Variants in AXIN1 observed in about 807,000 individuals in gnomAD.
AXIN1 encodes the protein axin-1.
A neutral mutation model predicts 76.4 loss-of-function variants in AXIN1; 30 were observed. That is an observed-to-expected ratio of 0.39 (90% CI 0.29 to 0.53). AXIN1 has a LOEUF of 0.53. Ranked by LOEUF, AXIN1 falls within the 20% of genes least tolerant of loss-of-function variation. The probability of loss-of-function intolerance (pLI) is 0.66; values close to 1 mark genes in which losing one functional copy is unlikely to be tolerated. For synonymous variants in AXIN1, 545 were observed against 501.4 expected, an observed-to-expected ratio of 1.09 and a Z score of -1.16; for missense variants, 1,140 against 1,198.8, an observed-to-expected ratio of 0.95 and a Z score of 0.72.
At chr16:344,515 T>C (rs1160019096) in intron 2 of AXIN1, among the ~76,000 whole-genome samples, 3 of 151,626 alleles carry the variant, frequency 2.0e-5, no homozygotes, top group Non-Finnish European at 4.4e-5. Flanking sequence ...AGTTTCACTC[T>C]TGTCCTCTTG....
intron 5 of AXIN1, among the ~76,000 whole-genome samples, chr16:303,129 T>C (rs770347864): frequency 8.1e-4 from 124 of 152,170 alleles, no homozygotes; most frequent in Middle Eastern, 3.4e-3. Flanking sequence ...CCCATAGTGT[T>C]GGGGTCACAG....
In AXIN1 at chr16:293,652, C is replaced by A. The variant is rs2141486680; in HGVS notation, c.2022G>T (p.Trp674Cys). The stretch of plus-strand genomic sequence containing the variant: ...CGGAGGTCCGGAGCTGAGGGCCGGC[C>A]CAGGGGTGCTCAAGGGACAAGGGTC... ...NSRPLSLEHP[W>C]AGPQLRTSVQ... The change falls in exon 8 of 11, where the codon TGG becomes TGT. Residue 674 changes from tryptophan to cysteine, a missense_variant. Trp to Cys is a radical substitution (Grantham distance 215). Transcript: ENST00000262320. This position sits in a 1 kb window ranked among gnomAD's most constrained non-coding sequence, Gnocchi z 4.6. 6.2e-7 allele frequency: 1 copy of A among 1,613,610 alleles called. No homozygotes were observed. The highest frequency in any genetic ancestry group is 8.5e-7 in the Non-Finnish European group (1 of 1,180,006).
intron 1 of AXIN1, among the ~76,000 whole-genome samples, chr16:349,829 C>G (rs114957976): frequency 6.6e-6 from 1 of 152,162 alleles, no homozygotes; most frequent in Non-Finnish European, 1.5e-5. Flanking sequence ...GACAGGGTCT[C>G]GCTCTGTCGC....
At chr16:289,102 G>A (rs2052477468) in intron 10 of AXIN1, among the ~76,000 whole-genome samples, 1 of 151,628 alleles carries the variant, frequency 6.6e-6, no homozygotes, top group African/African-American at 2.4e-5. Flanking sequence ...TTTTGGGCGG[G>A]GGTAGAGACA....
At chr16:321,523 C>T (rs543221732) in intron 2 of AXIN1, among the ~76,000 whole-genome samples, 33 of 152,382 alleles carry the variant, frequency 2.2e-4, no homozygotes, top group African/African-American at 6.3e-4. Flanking sequence ...AACCACAGAG[C>T]TCCTCAACTC....
intron 1 of AXIN1, among the ~76,000 whole-genome samples, chr16:351,246 T>A (rs1182043252): frequency 6.6e-6 from 1 of 152,062 alleles, no homozygotes; most frequent in Non-Finnish European, 1.5e-5. Context: ...AGATTCTTCC[T>A]GAAGAAGCAG....
intron 2 of AXIN1, among the ~76,000 whole-genome samples, chr16:320,743 A>ATATATATTTTT (rs397722732): frequency 5.2e-4 from 56 of 107,620 alleles, no homozygotes; most frequent in East Asian, 2.5e-3. Context: ...ATATATATAT[A>ATATATATTTTT]TTTTTTTTTT....
rs200917362 is a variant in AXIN1, at chr16:322,436, CTG to C, written c.879-7755_879-7754del. Among the ~76,000 whole-genome samples the C allele has an allele frequency of 9.8e-4, 150 of 152,338 alleles. 2 individuals are homozygous for C. In the East Asian group the frequency reaches 0.028, roughly 28 times the overall value. ...TATGGGGACAGATGTGCTCCTACGG[CTG>C]TGTTTCCTCTGCACAGGTGTGGGAG... On this transcript the variant is annotated intron_variant, in intron 2 of 10. Transcript: ENST00000262320.
intron 2 of AXIN1, among the ~76,000 whole-genome samples, chr16:338,184 A>C (rs1413483028): frequency 6.6e-6 from 1 of 152,210 alleles, no homozygotes; most frequent in African/African-American, 2.4e-5. Flanking sequence ...TTTGACAAGG[A>C]TGAGCAGAAC....
In AXIN1 at chr16:339,456, AG is replaced by A. The variant is rs1451915116; in HGVS notation, c.878+6691del. Among the ~76,000 whole-genome samples the A allele has an allele frequency of 2.0e-5, 3 of 148,910 alleles. No homozygotes were observed. In the East Asian group the frequency reaches 5.9e-4, roughly 29 times the overall value. On this transcript the variant is annotated intron_variant, in intron 2 of 10. Transcript: ENST00000262320. The stretch of plus-strand genomic sequence containing the variant: ...AACCCAGGAGGTGGAGCTTGCAGTG[AG>A]CCAAGATTGTGCCACTGCACTCCAG...
chr16:342,379 AT>A (rs1204617087), intron 2 of AXIN1, among the ~76,000 whole-genome samples: 1 of 152,138 alleles, frequency 6.6e-6, no homozygotes, highest in Non-Finnish European at 1.5e-5. Flanking sequence ...GAACCCACCA[AT>A]TCCGGACACA....
At chr16:315,456 A>G (rs1567282274) in intron 2 of AXIN1, among the ~76,000 whole-genome samples, 1 of 152,194 alleles carries the variant, frequency 6.6e-6, no homozygotes, top group Non-Finnish European at 1.5e-5. Context: ...TACGCAAAAA[A>G]CATTTTCTCC....
chr16:329,671 T>C (rs2141652205), intron 2 of AXIN1, among the ~76,000 whole-genome samples: 1 of 152,162 alleles, frequency 6.6e-6, no homozygotes, highest in Middle Eastern at 3.4e-3. Context: ...GCTAGAGTGC[T>C]GGAGTGCAGT....
chr16:325,147 G>A (rs937874584), intron 2 of AXIN1, among the ~76,000 whole-genome samples: 2 of 150,536 alleles, frequency 1.3e-5, no homozygotes, highest in Non-Finnish European at 2.9e-5. Context: ...CCTCAGCCCC[G>A]CGGGCGGCCC....
chr16:300,720 C>A (rs1473861786), intron 5 of AXIN1, among the ~76,000 whole-genome samples: 1 of 152,160 alleles, frequency 6.6e-6, no homozygotes, highest in Non-Finnish European at 1.5e-5. Context: ...CATCCCCTGG[C>A]GGATGCAGCT....
rs565801186 is a variant in AXIN1, at chr16:287,735, C to T, written c.*387G>A. On this transcript the variant is annotated 3_prime_UTR_variant, in exon 11 of 11. Coordinates refer to ENST00000262320, the MANE Select transcript of AXIN1 (RefSeq NM_003502.4). ...CAGAGGCCCTGCAGGCCTCTGCATC[C>T]GGGCCTGGGCCCCACCCAGACCTGG... 305 of 401,524 alleles carry T rather than the reference C, an allele frequency of 7.6e-4. No individual in the cohort carries two copies. The highest frequency in any genetic ancestry group is 3.6e-3 in the Admixed American group (95 of 26,270). The allele number at this position is 401,524 out of a possible 1,614,324, so 24.9% of individuals were successfully genotyped here.
chr16:305,959 T>G (rs2053012593), intron 4 of AXIN1, among the ~76,000 whole-genome samples: 1 of 152,154 alleles, frequency 6.6e-6, no homozygotes, highest in Non-Finnish European at 1.5e-5. Flanking sequence ...CCACCACGCC[T>G]GGCCCTGTGT....
At chr16:290,403 C>T (rs59899616) in intron 9 of AXIN1, 2,972 of 156,056 alleles carry the variant, frequency 0.019, 36 homozygotes, top group South Asian at 0.031. Flanking sequence ...CGCTCTTAGA[C>T]GTCCTCCCAG....
rs1383945943 is a variant in AXIN1, at chr16:297,887, T to C, written c.1619A>G (p.His540Arg). The C allele has an allele frequency of 6.3e-7, 1 of 1,590,484 alleles. No homozygotes were observed. Among genetic ancestry groups the C allele is most frequent in the Non-Finnish European group, 8.6e-7 (1 of 1,167,388 alleles). ...CTCCTTGGGCCGGGCTGTGCTGTGG[T>C]GGACGTGGTGGTGGACGTGTCGGTG... ...HHHRHVHHHV[H>R]HSTARPKEQV... The change falls in exon 6 of 11, where the codon CAC becomes CGC. Residue 540 changes from histidine (H) to arginine (R), a missense_variant. Transcript: ENST00000262320.
Sources: gnomAD v4.1 joint callset for allele counts (sites outside exome capture counted in the v4.1 genomes callset) on GRCh38, gnomAD v4.1.1 for gene constraint, Gnocchi (gnomAD v3.1) non-coding constraint, MANE v1.5 for transcripts, NCBI Gene and HGNC (gene_info 2026-07-23, HGNC 2026-07-21) for gene names.